DNAAF9: variants seen among roughly 807,000 people sequenced by gnomAD.
DNAAF9 encodes dynein axonemal assembly factor 9, also known as shulin.
In DNAAF9, 90 loss-of-function variants were observed where a neutral mutation model predicts 167.0. The observed-to-expected ratio is 0.54, with a 90% CI of 0.45 to 0.64. The LOEUF (loss-of-function observed/expected upper bound fraction) is 0.64. DNAAF9 is among the 30% of genes least tolerant of loss of function. DNAAF9 has a pLI of 0.00. For synonymous variants in DNAAF9, 491 were observed against 508.8 expected, an observed-to-expected ratio of 0.96 and a Z score of 0.47; for missense variants, 1,315 against 1,442.2, an observed-to-expected ratio of 0.91 and a Z score of 1.43.
chr20:3,337,161 G>A (rs2069973269), intron 10 of DNAAF9, among the ~76,000 whole-genome samples: 1 of 149,318 alleles, frequency 6.7e-6, no homozygotes, highest in African/African-American at 2.5e-5. Context: ...TTACAGGCGT[G>A]AGCCACCACG....
At position 3,336,258 on chromosome 20, in the gene DNAAF9, GT is replaced by G. The variant is rs367718705; in HGVS notation, c.982-3898del. ...TGCAGATTCACAGTTTTGCGTTTTT[GT>G]TTTTTTTTTTTTTTTTGCCAAATTT... On this transcript the variant is annotated intron_variant, in intron 10 of 36. Transcript: ENST00000252032. Among the ~76,000 whole-genome samples the G allele has an allele frequency of 6.4e-4, 73 of 113,558 alleles. 1 individual carries two copies. Among genetic ancestry groups the G allele is most frequent in the East Asian group, 3.2e-3 (12 of 3,740 alleles). The allele number at this position is 113,558 out of a possible 152,430, so 74.5% of individuals were successfully genotyped here. A position where few individuals can be genotyped will look rare whatever the true frequency, so the allele number is the denominator to read the frequency against.
chr20:3,403,529 C>T (rs1568653061), intron 1 of DNAAF9, among the ~76,000 whole-genome samples: 4 of 148,816 alleles, frequency 2.7e-5, no homozygotes, highest in African/African-American at 1.0e-4. Flanking sequence ...GGCCAACATC[C>T]CCATTTACAT....
chr20:3,332,900 G>GGTGTGTGTGTGTGTGT (rs3082550), intron 10 of DNAAF9, among the ~76,000 whole-genome samples: 63 of 146,936 alleles, frequency 4.3e-4, no homozygotes, highest in Non-Finnish European at 6.0e-4. Context: ...GTGTGCGTGT[G>GGTGTGTGTGTGTGTGT]GTGTGTGTGT....
chr20:3,325,011 A>T (rs755921630), intron 13 of DNAAF9, 43 bp from the exon 14 acceptor site: 3 of 1,115,044 alleles, frequency 2.7e-6, no homozygotes, highest in Non-Finnish European at 4.1e-6. Flanking sequence ...TCACAGCAGG[A>T]AAAAGTACAC....
chr20:3,310,771 GA>G (rs1486007030), intron 20 of DNAAF9, among the ~76,000 whole-genome samples: 1 of 151,972 alleles, frequency 6.6e-6, no homozygotes, highest in Non-Finnish European at 1.5e-5. Context: ...GCATTTAACA[GA>G]AGGGAAGTAT....
intron 7 of DNAAF9, among the ~76,000 whole-genome samples, chr20:3,356,776 A>C (rs1188854311): frequency 6.6e-6 from 1 of 152,210 alleles, no homozygotes; most frequent in South Asian, 2.1e-4. Context: ...GCCAAGAAAA[A>C]TTACACAAGA....
Position 3,253,744 on chromosome 20 carries a change from T to G in DNAAF9, c.3403A>C (p.Lys1135Gln). Residue 1135 changes from lysine to glutamine, a missense_variant, in exon 36 of 37, where the codon AAA becomes CAA. Lys to Gln is a moderately conservative substitution (Grantham distance 53, BLOSUM62 1). This residue lies in a region of DNAAF9 where 334 missense variants were observed against 429.7 expected (regional missense o/e 0.78). Transcript: ENST00000252032. ...AGGATACGTGGGTGAAAATCAGTTT[T>G]GTCACCAAAGAAGTTAACAAATTGG... ...GTQFVNFFGDKTDFHPLMDQF... is the reference protein window; with the variant it reads ...GTQFVNFFGDQTDFHPLMDQF... 1 of 1,610,240 alleles carries G rather than the reference T, an allele frequency of 6.2e-7. No individual in the cohort carries two copies.
chr20:3,359,396 T>C, intron 7 of DNAAF9, 120 bp downstream of exon 7: 2 of 707,380 alleles, frequency 2.8e-6, no homozygotes, highest in South Asian at 1.8e-5. Flanking sequence ...AAGAAACTGC[T>C]CTATTTTTTG....
intron 1 of DNAAF9, among the ~76,000 whole-genome samples, chr20:3,395,138 T>C (rs1229560960): frequency 6.7e-6 from 1 of 148,754 alleles, no homozygotes; most frequent in Non-Finnish European, 1.5e-5. Flanking sequence ...CGGCTAATTT[T>C]TTTTTTGTAT....
chr20:3,292,746 A>G (rs2068983559), intron 25 of DNAAF9, among the ~76,000 whole-genome samples: 1 of 150,270 alleles, frequency 6.7e-6, no homozygotes, highest in African/African-American at 2.5e-5. Context: ...AGCCTGGGCA[A>G]CAGAGCGAGA....
chr20:3,294,139 C>A lies in DNAAF9; in HGVS notation c.2238G>T (p.Lys746Asn). 3 of 1,540,146 alleles carry A rather than the reference C, an allele frequency of 1.9e-6. No individual in the cohort carries two copies. Among genetic ancestry groups the A allele is most frequent in the Non-Finnish European group, 2.7e-6 (3 of 1,112,574 alleles). The change falls in exon 25 of 37, where the codon AAG (lysine) becomes AAT (asparagine). Residue 746 changes from lysine (K) to asparagine (N), a missense_variant and splice_region_variant. Lys to Asn is a moderately conservative substitution (Grantham distance 94). Transcript: ENST00000252032. ...CAGCATATCTGGTGAGCTCCTCTAC[C>A]TTGTCACTTTCTATTCTGTGAGTAG... ...INTTHRIESD[K>N]VIISIVTGLP... is the part of the protein sequence containing the mutation.
At chr20:3,401,499 T>C (rs975307154) in intron 1 of DNAAF9, among the ~76,000 whole-genome samples, 5 of 152,186 alleles carry the variant, frequency 3.3e-5, no homozygotes, top group African/African-American at 1.2e-4. Context: ...AGCACCCGGC[T>C]GATGAACCAC....
intron 20 of DNAAF9, among the ~76,000 whole-genome samples, chr20:3,308,467 C>T (rs2069344070): frequency 6.6e-6 from 1 of 151,676 alleles, no homozygotes; most frequent in Admixed American, 6.6e-5. Context: ...CTCAGCCTCC[C>T]AAGTAGCTGG....
At chr20:3,342,110 A>G (rs2070098813) in intron 9 of DNAAF9, among the ~76,000 whole-genome samples, 2 of 152,180 alleles carry the variant, frequency 1.3e-5, no homozygotes, top group Non-Finnish European at 2.9e-5. Context: ...AATCTTGAAC[A>G]TGGCTAAAGA....
At chr20:3,385,999 T>G (rs1389166668) in intron 1 of DNAAF9, among the ~76,000 whole-genome samples, 1 of 152,126 alleles carries the variant, frequency 6.6e-6, no homozygotes. Context: ...TATTCTAAAA[T>G]TTACATAAGC....
At chr20:3,359,755 A>C (rs1468340599) in intron 6 of DNAAF9, among the ~76,000 whole-genome samples, 162 bp from the exon 7 acceptor site, 4 of 152,210 alleles carry the variant, frequency 2.6e-5, no homozygotes, top group Non-Finnish European at 1.5e-5. Flanking sequence ...CATATTAATA[A>C]ATGTTTTACC....
In DNAAF9 at chr20:3,315,645, G is replaced by GT; in HGVS notation, c.1590+89dup. 1 of 977,620 alleles carries GT rather than the reference G, an allele frequency of 1.0e-6. No homozygotes were observed. 60.6% of individuals were successfully genotyped at this position (977,620 alleles called of 1,614,324 possible). The stretch of plus-strand genomic sequence containing the variant: ...AACATAGTGCAAGTCTTTTAGATTA[G>GT]TAGTGAGATGAAGCATTTTAATACC... On this transcript the variant is annotated intron_variant, in intron 19 of 36. Transcript: ENST00000252032. This position sits in a 1 kb window ranked among gnomAD's most constrained non-coding sequence, Gnocchi z 4.1.
At chr20:3,296,364 T>A (rs574452323) in intron 23 of DNAAF9, 1 of 320,878 alleles carries the variant, frequency 3.1e-6, no homozygotes, top group African/African-American at 2.2e-5. Context: ...CACTGGCTCC[T>A]GGCAGTGGGG....
intron 1 of DNAAF9, among the ~76,000 whole-genome samples, chr20:3,401,141 T>C (rs557145070): frequency 1.2e-4 from 19 of 152,182 alleles, no homozygotes; most frequent in Non-Finnish European, 2.5e-4. Context: ...CCTGAAGAGA[T>C]AACTAACCTC....
Sources: allele counts gnomAD v4.1 joint callset (sites outside exome capture counted in the v4.1 genomes callset), GRCh38; gene constraint gnomAD v4.1.1; regional missense constraint gnomAD v4.1.1; non-coding constraint Gnocchi (gnomAD v3.1); transcripts MANE v1.5; gene names NCBI Gene and HGNC (gene_info 2026-07-23, HGNC 2026-07-21).